ISLR2: variants seen among roughly 807,000 people sequenced by gnomAD.
The protein encoded by ISLR2 is immunoglobulin superfamily containing leucine-rich repeat protein 2.
ISLR2 carries 16 observed loss-of-function variants against 25.5 expected under a neutral mutation model. The ratio of observed to expected loss-of-function variants is 0.63; its 90% CI spans 0.43 to 0.95. The LOEUF is 0.95. ISLR2 is among the 40% of genes least tolerant of loss of function. The pLI, the probability that ISLR2 is intolerant of heterozygous loss-of-function variation, is 0.00. For missense variants in ISLR2, 883 were observed against 1,030.7 expected, an observed-to-expected ratio of 0.86 and a Z score of 1.96; for synonymous variants, 508 against 486.6, an observed-to-expected ratio of 1.04 and a Z score of -0.58.
Position 74,107,237 on chromosome 15 carries a change from G to A in ISLR2, n.228+3323G>A, listed in dbSNP as rs576237174. On this transcript the variant is annotated intron_variant and non_coding_transcript_variant, in intron 2 of 3. Transcript: ENST00000561975. ...CACCTGCTGTCCACCAGGCATCCCGGCAAAGAACAGTCTCAGCCCACCCCA... is the reference window on the plus strand; with the variant it reads ...CACCTGCTGTCCACCAGGCATCCCGACAAAGAACAGTCTCAGCCCACCCCA... 4.6e-5 allele frequency among the ~76,000 whole-genome samples: 7 copies of A among 152,288 alleles called. No individual in the cohort carries two copies. The South Asian group carries it at 1.5e-3, about 32-fold the overall frequency.
upstream of ISLR2, chr15:74,129,138 C>T (rs1188109141): frequency 4.5e-6 from 2 of 445,356 alleles, no homozygotes; most frequent in Non-Finnish European, 9.0e-6. This position sits in a 1 kb window ranked among gnomAD's most constrained non-coding sequence, Gnocchi z 4.5. Context: ...GTGTGAAGTT[C>T]TGTGTTCTGA....
upstream of ISLR2, chr15:74,129,083 C>G (rs887398232): frequency 2.2e-6 from 1 of 456,550 alleles, no homozygotes; most frequent in East Asian, 7.0e-5. The surrounding 1 kb of genome is among the most constrained non-coding windows in gnomAD (Gnocchi z 4.5). Flanking sequence ...CGCCTTGCGC[C>G]CTCCCCATGG....
At chr15:74,116,669 C>A (rs1441481802) in intron 2 of ISLR2, among the ~76,000 whole-genome samples, 3 of 151,970 alleles carry the variant, frequency 2.0e-5, no homozygotes, top group Non-Finnish European at 4.4e-5. Flanking sequence ...TTGACTGAGG[C>A]AAAAGTAATA....
chr15:74,124,615 G>C (rs553181678), upstream of ISLR2, among the ~76,000 whole-genome samples: 1 of 152,016 alleles, frequency 6.6e-6, no homozygotes, highest in Non-Finnish European at 1.5e-5. Context: ...AAAAACTAGC[G>C]GGGTGTGGTG....
intron 2 of ISLR2, among the ~76,000 whole-genome samples, chr15:74,114,208 G>A (rs1321628338): frequency 6.6e-6 from 1 of 152,232 alleles, no homozygotes; most frequent in Non-Finnish European, 1.5e-5. Context: ...CCCAATGGCT[G>A]AAGACAATTT....
downstream of ISLR2, among the ~76,000 whole-genome samples, chr15:74,139,294 C>G (rs1212392154): frequency 6.6e-6 from 1 of 152,250 alleles, no homozygotes; most frequent in Non-Finnish European, 1.5e-5. Flanking sequence ...CAGGAAAACT[C>G]TAGTTTCTGT....
At chr15:74,107,070 C>G (rs1244971147) in intron 2 of ISLR2, among the ~76,000 whole-genome samples, 1 of 151,998 alleles carries the variant, frequency 6.6e-6, no homozygotes, top group Non-Finnish European at 1.5e-5. Context: ...CTGGGGGGAG[C>G]AAGCATGGCC....
chr15:74,138,905 G>A (rs2072595665), downstream of ISLR2, among the ~76,000 whole-genome samples: 1 of 152,218 alleles, frequency 6.6e-6, no homozygotes, highest in Non-Finnish European at 1.5e-5. Flanking sequence ...CCACGTGATT[G>A]CTTCTGGGAA....
intron 2 of ISLR2, among the ~76,000 whole-genome samples, chr15:74,120,208 C>T (rs1317979156): frequency 6.6e-6 from 1 of 152,186 alleles, no homozygotes; most frequent in Non-Finnish European, 1.5e-5. Flanking sequence ...ATGACTCCCA[C>T]CATGATTTTT....
chr15:74,139,221 T>C (rs2072597619), downstream of ISLR2, among the ~76,000 whole-genome samples: 1 of 152,176 alleles, frequency 6.6e-6, no homozygotes, highest in Non-Finnish European at 1.5e-5. Context: ...GAATACGTGT[T>C]GGAGGCCAAG....
chr15:74,108,352 A>C (rs747240186), intron 2 of ISLR2, among the ~76,000 whole-genome samples: 1 of 152,140 alleles, frequency 6.6e-6, no homozygotes, highest in Non-Finnish European at 1.5e-5. Context: ...AATCCAAACA[A>C]GTCCCTGTGT....
downstream of ISLR2, among the ~76,000 whole-genome samples, chr15:74,137,946 T>C (rs184167710): frequency 6.6e-6 from 1 of 152,132 alleles, no homozygotes. Context: ...TTTCTTTCTT[T>C]TTTTTTTATT....
Position 74,134,127 on chromosome 15 carries a change from G to T in ISLR2, c.1373G>T (p.Arg458Leu). The T allele has an allele frequency of 1.2e-6, 2 of 1,613,616 alleles. No homozygotes were observed. The highest frequency in any genetic ancestry group is 1.7e-6 in the Non-Finnish European group (2 of 1,179,874). Residue 458 changes from arginine (R) to leucine (L), a missense_variant, in exon 3 of 3, where the codon CGC (arginine) becomes CTC (leucine). Transcript: ENST00000453268. ...QILADPAEEQ[R>L]CGNGDPSRYV... ...CTCGCGGACCCGGCGGAGGAGCAGCGCTGTGGCAACGGGGACCCCTCTCGG... is the reference window on the plus strand; with the variant it reads ...CTCGCGGACCCGGCGGAGGAGCAGCTCTGTGGCAACGGGGACCCCTCTCGG...
upstream of ISLR2, chr15:74,126,350 T>TTTTTTTTG (rs1387173785): frequency 1.9e-4 from 25 of 130,794 alleles, 1 homozygote; most frequent in African/African-American, 7.5e-4. Flanking sequence ...CATAGGTATT[T>TTTTTTTTG]TTTTTTTTTT....
Position 74,104,753 on chromosome 15 carries a change from A to T in ISLR2, n.228+839A>T, listed in dbSNP as rs532065281. Among the ~76,000 whole-genome samples, 50 of 151,050 alleles carry T rather than the reference A, an allele frequency of 3.3e-4. 1 individual carries two copies. In the South Asian group the frequency reaches 6.6e-3, roughly 20 times the overall value. ...CATGCCACTGTACTCAAAAAAAAAA[A>T]TTTTTTTTCTCTGTTGCATATGGGG... On this transcript the variant is annotated intron_variant and non_coding_transcript_variant, in intron 2 of 3. Transcript: ENST00000561975.
upstream of ISLR2, chr15:74,126,248 T>TA (rs1359785711): frequency 6.6e-6 from 1 of 151,456 alleles, no homozygotes. Context: ...AGCTATTATA[T>TA]AAAAAACGTA....
intron 2 of ISLR2, among the ~76,000 whole-genome samples, chr15:74,113,206 C>T (rs1351627840): frequency 6.6e-6 from 1 of 152,204 alleles, no homozygotes; most frequent in African/African-American, 2.4e-5. Context: ...CAGTAATGCT[C>T]GCTGTCCACC....
At chr15:74,122,953 C>G (rs2072264504) in intron 2 of ISLR2, among the ~76,000 whole-genome samples, 1 of 152,102 alleles carries the variant, frequency 6.6e-6, no homozygotes, top group Non-Finnish European at 1.5e-5. Context: ...TGTGGCCTTT[C>G]TGTGTCCTGT....
At chr15:74,137,309 C>T (rs567383680), downstream of ISLR2, among the ~76,000 whole-genome samples, 1 of 152,310 alleles carries the variant, frequency 6.6e-6, no homozygotes, top group South Asian at 2.1e-4. Flanking sequence ...TCACAAATAA[C>T]ACAAAGTACA....
Sources: allele counts gnomAD v4.1 joint callset (sites outside exome capture counted in the v4.1 genomes callset), GRCh38; gene constraint gnomAD v4.1.1; non-coding constraint Gnocchi (gnomAD v3.1); transcripts MANE v1.5; gene names NCBI Gene and HGNC (gene_info 2026-07-23, HGNC 2026-07-21).